Variants in VAMP4 observed in about 807,000 individuals in gnomAD.
VAMP4 encodes vesicle associated membrane protein 4, also known as vesicle-associated membrane protein 4.
VAMP4 carries 19 observed loss-of-function variants against 23.5 expected under a neutral mutation model. That is an observed-to-expected ratio of 0.81 (90% CI 0.56 to 1.19). The LOEUF is 1.19. Among genes scored for constraint, VAMP4 ranks in the 50% most tolerant of loss-of-function variants. The pLI, the probability that VAMP4 is intolerant of heterozygous loss-of-function variation, is 0.00. For synonymous variants in VAMP4, 31 were observed against 51.0 expected (o/e 0.61, Z 1.67); for missense variants, 145 against 168.6 (o/e 0.86, Z 0.78).
In VAMP4 at chr1:171,708,876, GA is replaced by G. The variant is rs75439179; in HGVS notation, c.345+788del. ...AACAAGAGCAAAACTCTATCTCAAAGAAAAAAAAAAAAAAAAAAAGGAGAGT... is the reference window on the plus strand; with the variant it reads ...AACAAGAGCAAAACTCTATCTCAAAGAAAAAAAAAAAAAAAAAAGGAGAGT... On this transcript the variant is annotated intron_variant, in intron 6 of 7. Coordinates refer to ENST00000236192, the MANE Select transcript of VAMP4 (RefSeq NM_003762.5). Among the ~76,000 whole-genome samples the G allele has an allele frequency of 9.4e-3, 795 of 84,226 alleles. 8 individuals are homozygous for G. Among genetic ancestry groups the G allele is most frequent in the African/African-American group, 0.025 (614 of 24,728 alleles). 55.3% of individuals were successfully genotyped at this position (84,226 alleles called of 152,430 possible). A position where few individuals can be genotyped will look rare whatever the true frequency, so the allele number is the denominator to read the frequency against.
chr1:171,723,863 G>A (rs925474549), intron 3 of VAMP4, among the ~76,000 whole-genome samples: 1 of 152,154 alleles, frequency 6.6e-6, no homozygotes, highest in Non-Finnish European at 1.5e-5. Context: ...AAAGACAGGT[G>A]TAAGAAATTA....
At chr1:171,721,231 T>A (rs1340485561) in intron 3 of VAMP4, among the ~76,000 whole-genome samples, 1 of 152,068 alleles carries the variant, frequency 6.6e-6, no homozygotes, top group Non-Finnish European at 1.5e-5. Flanking sequence ...ATGCTTCCCC[T>A]AAAGGAGATC....
In VAMP4 at chr1:171,702,149, A is replaced by ATAT. The variant is rs1654472911; in HGVS notation, c.*2354_*2356dup. The ATAT allele has an allele frequency of 6.6e-6, 1 of 152,064 alleles. No homozygotes were observed. The highest frequency in any genetic ancestry group is 1.5e-5 in the Non-Finnish European group (1 of 67,930). The allele number at this position is 152,064 out of a possible 1,614,324, so 9.4% of individuals were successfully genotyped here. A position where few individuals can be genotyped will look rare whatever the true frequency, so the allele number is the denominator to read the frequency against. ...TAGGCCTGGCATCAGTTTGAACAAT[A>ATAT]TATTTTTTTCTTCTGTTTTTGATCG... On this transcript the variant is annotated 3_prime_UTR_variant, in exon 8 of 8. Transcript: ENST00000236192.
At chr1:171,720,506 G>T (rs1655156670) in intron 3 of VAMP4, among the ~76,000 whole-genome samples, 1 of 151,500 alleles carries the variant, frequency 6.6e-6, no homozygotes, top group Non-Finnish European at 1.5e-5. Flanking sequence ...AGGAAAAAAA[G>T]AAAGAAGGCA....
At position 171,701,930 on chromosome 1, in the gene VAMP4, T is replaced by C. The variant is rs1654464856; in HGVS notation, c.*2576A>G. On this transcript the variant is annotated 3_prime_UTR_variant, in exon 8 of 8. Transcript: ENST00000236192. ...TAATTAAACATAAATCACAAAGGTA[T>C]GGATTCAGGCATCAAAATAGTGACG... 1.3e-5 allele frequency: 2 copies of C among 152,128 alleles called. No homozygotes were observed. Among genetic ancestry groups the C allele is most frequent in the African/African-American group, 4.8e-5 (2 of 41,456 alleles). The allele number at this position is 152,128 out of a possible 1,614,324, so 9.4% of individuals were successfully genotyped here. A position where few individuals can be genotyped will look rare whatever the true frequency, so the allele number is the denominator to read the frequency against.
intron 4 of VAMP4, among the ~76,000 whole-genome samples, chr1:171,711,412 G>A (rs1288054995): frequency 6.6e-6 from 1 of 151,970 alleles, no homozygotes; most frequent in Non-Finnish European, 1.5e-5. Flanking sequence ...AGACAACTGG[G>A]GACACCTGGG....
At chr1:171,741,741 C>A (rs1289198377) in intron 1 of VAMP4, among the ~76,000 whole-genome samples, 169 bp downstream of exon 1, 2 of 152,200 alleles carry the variant, frequency 1.3e-5, no homozygotes, top group South Asian at 2.1e-4. Context: ...TCCTTCCTCA[C>A]GGCACCCCCG....
At chr1:171,721,744 G>A (rs1210710423) in intron 3 of VAMP4, among the ~76,000 whole-genome samples, 1 of 152,054 alleles carries the variant, frequency 6.6e-6, no homozygotes, top group African/African-American at 2.4e-5. Context: ...ACTGCTCAAC[G>A]AAATAAAAGA....
chr1:171,726,882 T>C (rs1655387965), intron 3 of VAMP4, among the ~76,000 whole-genome samples: 1 of 152,024 alleles, frequency 6.6e-6, no homozygotes, highest in Non-Finnish European at 1.5e-5. Context: ...AAGTTATAGA[T>C]TTGTAGTAAA....
rs1654383852 is a variant in VAMP4, at chr1:171,700,239, G to A, written c.*4267C>T. On this transcript the variant is annotated 3_prime_UTR_variant, in exon 8 of 8. Transcript: ENST00000236192. ...ATACACTTCTGATATTAACACAAAG[G>A]TCTAAACTTTGCAACACTGGTAAAA... 6.6e-6 allele frequency: 1 copy of A among 152,140 alleles called. No individual in the cohort carries two copies. Among genetic ancestry groups the A allele is most frequent in the African/African-American group, 2.4e-5 (1 of 41,430 alleles). The allele number at this position is 152,140 out of a possible 1,614,324, so 9.4% of individuals were successfully genotyped here. A position where few individuals can be genotyped will look rare whatever the true frequency, so the allele number is the denominator to read the frequency against.
At chr1:171,723,063 C>T (rs1329964708) in intron 3 of VAMP4, among the ~76,000 whole-genome samples, 6 of 152,088 alleles carry the variant, frequency 3.9e-5, no homozygotes, top group East Asian at 1.9e-4. Flanking sequence ...CATCACGTGT[C>T]GGCAGGTTCT....
At chr1:171,708,876 G>GAAAA (rs75439179) in intron 6 of VAMP4, among the ~76,000 whole-genome samples, 1 of 84,210 alleles carries the variant, frequency 1.2e-5, no homozygotes. Flanking sequence ...CTATCTCAAA[G>GAAAA]AAAAAAAAAA....
Position 171,713,966 on chromosome 1 carries a change from T to C in VAMP4, c.165-3152A>G, listed in dbSNP as rs144219965. 3.3e-5 allele frequency among the ~76,000 whole-genome samples: 5 copies of C among 152,306 alleles called. No homozygotes were observed. The East Asian group carries it at 9.6e-4, about 29-fold the overall frequency. On this transcript the variant is annotated intron_variant, in intron 4 of 7. Transcript: ENST00000236192. ...TATTCCCTCAACAACATGGCACACA[T>C]GTAATAAATCACTATTGATAATGGA...
At chr1:171,714,457 A>G (rs1432924291) in intron 4 of VAMP4, among the ~76,000 whole-genome samples, 1 of 152,212 alleles carries the variant, frequency 6.6e-6, no homozygotes, top group Admixed American at 6.5e-5. Flanking sequence ...TGAATTAAAT[A>G]TATCATTCAT....
intron 3 of VAMP4, among the ~76,000 whole-genome samples, chr1:171,724,619 C>G (rs1474162235): frequency 6.6e-6 from 1 of 152,036 alleles, no homozygotes; most frequent in Non-Finnish European, 1.5e-5. Context: ...GTCAGAAAAC[C>G]AAATATTGTT....
At chr1:171,706,674 C>T (rs1296692868) in intron 6 of VAMP4, among the ~76,000 whole-genome samples, 1 of 152,068 alleles carries the variant, frequency 6.6e-6, no homozygotes, top group Non-Finnish European at 1.5e-5. Context: ...TAACAGAATT[C>T]TCATATACTT....
intron 3 of VAMP4, among the ~76,000 whole-genome samples, chr1:171,727,933 G>A (rs554767344): frequency 1.3e-5 from 2 of 152,262 alleles, no homozygotes; most frequent in African/African-American, 4.8e-5. Context: ...GAGAGCAATG[G>A]ATTATCAAGG....
Position 171,722,035 on chromosome 1 carries a change from T to C in VAMP4, c.114-2814A>G, listed in dbSNP as rs576680615. ...CAAGGCTACAGTAACCAAAACAGCA[T>C]GGTACTGGTACCAAAACAGAGATAT... is the stretch of plus-strand genomic sequence containing the variant. On this transcript the variant is annotated intron_variant, in intron 3 of 7. Transcript: ENST00000236192. Among the ~76,000 whole-genome samples the C allele has an allele frequency of 4.8e-3, 725 of 152,282 alleles. 12 individuals are homozygous for C. The highest frequency in any genetic ancestry group is 0.017 in the African/African-American group (690 of 41,554).
chr1:171,710,191 T>C (rs1654803405), intron 5 of VAMP4, among the ~76,000 whole-genome samples: 2 of 150,156 alleles, frequency 1.3e-5, no homozygotes, highest in African/African-American at 4.9e-5. Context: ...AGCGAGGTGT[T>C]TTTTTTTTTT....
Sources: gnomAD v4.1 joint callset for allele counts (sites outside exome capture counted in the v4.1 genomes callset) on GRCh38, gnomAD v4.1.1 for gene constraint, MANE v1.5 for transcripts, NCBI Gene and HGNC (gene_info 2026-07-23, HGNC 2026-07-21) for gene names.